Variants in ATP6V1C1 observed in about 807,000 individuals in gnomAD.
ATP6V1C1 encodes ATPase H+ transporting V1 subunit C1, also known as V-type proton ATPase subunit C 1.
ATP6V1C1 carries 45 observed loss-of-function variants against 53.9 expected under a neutral mutation model. The ratio of observed to expected loss-of-function variants is 0.83; its 90% confidence interval spans 0.66 to 1.07. The LOEUF (loss-of-function observed/expected upper bound fraction) is 1.07. Among genes scored for constraint, ATP6V1C1 ranks in the 50% least tolerant of loss-of-function variants. ATP6V1C1 has a pLI of 0.00. For synonymous variants in ATP6V1C1, 153 were observed against 155.2 expected (o/e 0.99, Z 0.11); for missense variants, 315 against 440.3 (o/e 0.72, Z 2.55).
rs373993712 is a variant in ATP6V1C1 at position 103,050,278 on chromosome 8, G to C, written c.287-772G>C. The stretch of plus-strand genomic sequence containing the variant: ...GATCTTCTACGTATTTTATGAACTA[G>C]GGCAGTCAGTCTAGTAGGTGGAATG... On this transcript the variant is annotated intron_variant, in intron 4 of 12. Transcript: ENST00000518738. 3.5e-4 allele frequency among the ~76,000 whole-genome samples: 53 copies of C among 152,262 alleles called. 1 individual carries two copies. In the South Asian group the frequency reaches 0.011, roughly 30 times the overall value.
At chr8:103,035,617 A>G (rs997447363) in intron 1 of ATP6V1C1, among the ~76,000 whole-genome samples, 4 of 152,186 alleles carry the variant, frequency 2.6e-5, no homozygotes, top group Admixed American at 1.3e-4. Context: ...AGCTAATACA[A>G]TCATCCGCAG....
chr8:103,067,326 G>C (rs1011228690), intron 12 of ATP6V1C1, among the ~76,000 whole-genome samples: 1 of 151,104 alleles, frequency 6.6e-6, no homozygotes, highest in Non-Finnish European at 1.5e-5. Context: ...TTGAACCTCG[G>C]GGGGTGGTTG....
chr8:103,055,747 A>G, intron 7 of ATP6V1C1, 121 bp from the exon 8 acceptor site: 1 of 816,828 alleles, frequency 1.2e-6, no homozygotes. Context: ...TGTTAAATAG[A>G]GTTGAAGTAT....
intron 1 of ATP6V1C1, among the ~76,000 whole-genome samples, chr8:103,032,112 G>T (rs1816808399): frequency 6.6e-6 from 1 of 152,142 alleles, no homozygotes; most frequent in African/African-American, 2.4e-5. Context: ...GCCACAGAAT[G>T]AGAGAAAATA....
intron 2 of ATP6V1C1, 152 bp from the exon 3 acceptor site, chr8:103,042,188 T>A (rs1817012661): frequency 1.4e-6 from 1 of 735,778 alleles, no homozygotes; most frequent in Non-Finnish European, 2.2e-6. Context: ...AGCTTTGAAA[T>A]GTCTGGCAAA....
At position 103,046,042 on chromosome 8, in the gene ATP6V1C1, A is replaced by G. The variant is rs528763216; in HGVS notation, c.201-2828A>G. On this transcript the variant is annotated intron_variant, in intron 3 of 12. Coordinates refer to ENST00000518738, the MANE Select transcript of ATP6V1C1 (RefSeq NM_001695.5). ...GTCTCATCTACCTCATTACAGTTAC[A>G]AGTTATGACAACCAAAGAGACACTG... Among the ~76,000 whole-genome samples, 213 of 152,150 alleles carry G rather than the reference A, an allele frequency of 1.4e-3. 2 individuals carry two copies. Among genetic ancestry groups the G allele is most frequent in the Middle Eastern group, 3.4e-3 (1 of 294 alleles).
At chr8:103,064,295 GTTTATC>G (rs1817452194) in intron 10 of ATP6V1C1, among the ~76,000 whole-genome samples, 1 of 152,134 alleles carries the variant, frequency 6.6e-6, no homozygotes, top group Admixed American at 6.5e-5. Flanking sequence ...CTACATAACT[GTTTATC>G]TTTGTTACTA....
chr8:103,050,149 T>C (rs1402959946), intron 4 of ATP6V1C1, among the ~76,000 whole-genome samples: 2 of 152,264 alleles, frequency 1.3e-5, no homozygotes, highest in African/African-American at 4.8e-5. Flanking sequence ...CTCTTTGTTA[T>C]CAAGTAATTC....
chr8:103,057,753 T>TA (rs1362767300), intron 8 of ATP6V1C1, among the ~76,000 whole-genome samples: 1 of 152,220 alleles, frequency 6.6e-6, no homozygotes, highest in Non-Finnish European at 1.5e-5. Context: ...GTATTCAAAA[T>TA]ACAAGATAAT....
chr8:103,052,181 G>A (rs1022782639), intron 5 of ATP6V1C1, among the ~76,000 whole-genome samples: 3 of 152,014 alleles, frequency 2.0e-5, no homozygotes, highest in Admixed American at 6.6e-5. Context: ...AGCTAATAAT[G>A]CTAGAGCTAT....
At chr8:103,025,548 G>T (rs948404099) in intron 1 of ATP6V1C1, among the ~76,000 whole-genome samples, 3 of 152,202 alleles carry the variant, frequency 2.0e-5, no homozygotes, top group Non-Finnish European at 4.4e-5. Context: ...AACTCCTTTA[G>T]TGTAAAATTA....
Position 103,072,789 on chromosome 8 carries a change from GAA to G in ATP6V1C1, c.*4043_*4044del, listed in dbSNP as rs1248051474. ...AAAAAGGGAACAGAGTAAAGCCATGGAAGCCATGAACAGTAAGAGACTGCCGC... is the reference window on the plus strand; with the variant it reads ...AAAAAGGGAACAGAGTAAAGCCATGGGCCATGAACAGTAAGAGACTGCCGC... On this transcript the variant is annotated 3_prime_UTR_variant, in exon 13 of 13. Coordinates refer to ENST00000518738, the MANE Select transcript of ATP6V1C1 (RefSeq NM_001695.5). 1 of 152,238 alleles carries G rather than the reference GAA, an allele frequency of 6.6e-6. No homozygotes were observed. The highest frequency in any genetic ancestry group is 1.5e-5 in the Non-Finnish European group (1 of 68,048). The allele number at this position is 152,238 out of a possible 1,614,324, so 9.4% of individuals were successfully genotyped here.
At chr8:103,049,364 G>C (rs76722742) in intron 4 of ATP6V1C1, among the ~76,000 whole-genome samples, 5 of 152,248 alleles carry the variant, frequency 3.3e-5, no homozygotes, top group African/African-American at 1.2e-4. Flanking sequence ...AACTGTTAAA[G>C]CTTTAGAACA....
chr8:103,022,942 G>C (rs1233973307), intron 1 of ATP6V1C1, among the ~76,000 whole-genome samples: 1 of 152,036 alleles, frequency 6.6e-6, no homozygotes, highest in Admixed American at 6.5e-5. Flanking sequence ...AGTCCTAGCT[G>C]CTCGGGAGGC....
intron 7 of ATP6V1C1, among the ~76,000 whole-genome samples, chr8:103,055,605 A>T (rs1817276943): frequency 6.6e-6 from 1 of 152,164 alleles, no homozygotes; most frequent in Non-Finnish European, 1.5e-5. Flanking sequence ...ACTGTGCTTT[A>T]CTTCCTTTCC....
chr8:103,066,278 A>T (rs199897153), intron 11 of ATP6V1C1, 43 bp from the exon 12 acceptor site: 1 of 1,568,628 alleles, frequency 6.4e-7, no homozygotes. Context: ...ATCTCTTTAC[A>T]TGTTTGCTTG....
chr8:103,035,027 C>T (rs955832230), intron 1 of ATP6V1C1, among the ~76,000 whole-genome samples: 5 of 152,174 alleles, frequency 3.3e-5, no homozygotes, highest in Non-Finnish European at 7.4e-5. Context: ...GCTTGTCTTT[C>T]CTGTTAGGCT....
intron 3 of ATP6V1C1, among the ~76,000 whole-genome samples, chr8:103,047,436 A>G (rs559608860): frequency 0.011 from 1,321 of 117,694 alleles, 29 homozygotes; most frequent in African/African-American, 0.033. Flanking sequence ...GCGCGCACAC[A>G]CACACACACA....
chr8:103,030,823 A>G (rs185939045), intron 1 of ATP6V1C1, among the ~76,000 whole-genome samples: 194 of 152,308 alleles, frequency 1.3e-3, no homozygotes, highest in African/African-American at 4.4e-3. Context: ...TTTAAACTGA[A>G]GAATTGCCAG....
Sources: gnomAD v4.1 joint callset for allele counts (sites outside exome capture counted in the v4.1 genomes callset) on GRCh38, gnomAD v4.1.1 for gene constraint, MANE v1.5 for transcripts, NCBI Gene and HGNC (gene_info 2026-07-23, HGNC 2026-07-21) for gene names.